Variants in IMPACT observed in about 807,000 individuals in gnomAD.
The protein encoded by IMPACT is impact RWD domain protein, also known as protein IMPACT.
In IMPACT, 35 loss-of-function variants were observed where a neutral mutation model predicts 47.5. That is an observed-to-expected ratio of 0.74 (90% CI 0.56 to 0.98). The LOEUF is 0.98. IMPACT is among the 50% of genes least tolerant of loss of function. The pLI is 0.00. For synonymous variants in IMPACT, 118 were observed against 125.6 expected (o/e 0.94, Z 0.40); for missense variants, 373 against 394.8 (o/e 0.94, Z 0.47).
At chr18:24,437,274 A>G (rs1000357517) in intron 4 of IMPACT, among the ~76,000 whole-genome samples, 5 of 152,176 alleles carry the variant, frequency 3.3e-5, no homozygotes, top group East Asian at 1.9e-4. Context: ...TATTGCTGCT[A>G]CCATCATTTA....
chr18:24,443,700 C>T (rs112050267), intron 7 of IMPACT, among the ~76,000 whole-genome samples: 2 of 152,156 alleles, frequency 1.3e-5, no homozygotes, highest in Admixed American at 1.3e-4. Flanking sequence ...AAACCAAGTC[C>T]TCCCTACCTG....
At position 24,426,670 on chromosome 18, in the gene IMPACT, A is replaced by C. The variant is rs536713824; in HGVS notation, c.-87A>C. The C allele has an allele frequency of 9.7e-7, 1 of 1,035,998 alleles. No individual in the cohort carries two copies. Among genetic ancestry groups the C allele is most frequent in the African/African-American group, 1.7e-5 (1 of 60,148 alleles). The allele number at this position is 1,035,998 out of a possible 1,614,324, so 64.2% of individuals were successfully genotyped here. On this transcript the variant is annotated 5_prime_UTR_variant, in exon 1 of 11. Transcript: ENST00000284202. ...GTGGTTCCGGGTCGGGCCGCGCCGC[A>C]GCCAGCTCTCGGCTCGCAGCCGCAG...
At chr18:24,430,009 C>A (rs1441855995) in intron 3 of IMPACT, among the ~76,000 whole-genome samples, 2 of 152,074 alleles carry the variant, frequency 1.3e-5, no homozygotes, top group Non-Finnish European at 2.9e-5. Flanking sequence ...GATCTCCTGA[C>A]CTCGTGATCT....
chr18:24,431,516 A>G (rs1262999589), intron 4 of IMPACT, among the ~76,000 whole-genome samples: 1 of 151,492 alleles, frequency 6.6e-6, no homozygotes, highest in Non-Finnish European at 1.5e-5. Flanking sequence ...CCATGATAAG[A>G]TTTTCTTTTT....
At chr18:24,437,219 C>T (rs1039237554) in intron 4 of IMPACT, among the ~76,000 whole-genome samples, 2 of 152,080 alleles carry the variant, frequency 1.3e-5, no homozygotes, top group African/African-American at 4.8e-5. Flanking sequence ...ATACTTACTA[C>T]AATTAGTGTC....
chr18:24,438,968 G>A (rs1909020444), intron 5 of IMPACT, among the ~76,000 whole-genome samples: 1 of 152,162 alleles, frequency 6.6e-6, no homozygotes, highest in South Asian at 2.1e-4. Flanking sequence ...TTATACAGTT[G>A]TGGAAGGTGG....
intron 6 of IMPACT, among the ~76,000 whole-genome samples, chr18:24,441,275 A>G (rs1303187155): frequency 6.6e-6 from 1 of 151,996 alleles, no homozygotes; most frequent in Non-Finnish European, 1.5e-5. Flanking sequence ...GTTCAATGCA[A>G]CCTTGCCTCC....
At chr18:24,438,104 C>T in intron 5 of IMPACT, 64 bp downstream of exon 5, 1 of 728,938 alleles carries the variant, frequency 1.4e-6, no homozygotes, top group Middle Eastern at 3.4e-4. Context: ...TATGTAGATA[C>T]TCTAGTTGAA....
intron 5 of IMPACT, among the ~76,000 whole-genome samples, chr18:24,439,285 C>G (rs1909030218): frequency 6.6e-6 from 1 of 152,168 alleles, no homozygotes; most frequent in African/African-American, 2.4e-5. Flanking sequence ...AATCCCAGCA[C>G]TTTGGGAGGC....
intron 1 of IMPACT, chr18:24,427,067 CA>C: frequency 2.7e-6 from 1 of 374,186 alleles, no homozygotes; most frequent in Non-Finnish European, 4.7e-6. Flanking sequence ...GGGCCGAAGG[CA>C]AAAACCGGGG....
chr18:24,426,754 C>A lies in IMPACT; in HGVS notation c.-3C>A. ...GCGGCTGCAGGGCAGGTCCAGGGGCCACATGGCTGAGGGGGACGCAGGGAG... is the reference window on the plus strand; with the variant it reads ...GCGGCTGCAGGGCAGGTCCAGGGGCAACATGGCTGAGGGGGACGCAGGGAG... On this transcript the variant is annotated 5_prime_UTR_variant, in exon 1 of 11. Transcript: ENST00000284202. 8.0e-7 allele frequency: 1 copy of A among 1,244,354 alleles called. No individual in the cohort carries two copies. The highest frequency in any genetic ancestry group is 1.0e-6 in the Non-Finnish European group (1 of 992,326). The allele number at this position is 1,244,354 out of a possible 1,614,324, so 77.1% of individuals were successfully genotyped here. A position where few individuals can be genotyped will look rare whatever the true frequency, so the allele number is the denominator to read the frequency against.
chr18:24,428,805 A>G, intron 2 of IMPACT, 64 bp from the exon 3 acceptor site: 1 of 1,305,018 alleles, frequency 7.7e-7, no homozygotes, highest in Non-Finnish European at 1.1e-6. Context: ...TGCTAGCTTT[A>G]TAAATATGGT....
At chr18:24,441,913 TA>T (rs1296301707) in intron 6 of IMPACT, among the ~76,000 whole-genome samples, 1 of 152,236 alleles carries the variant, frequency 6.6e-6, no homozygotes, top group Admixed American at 6.5e-5. Flanking sequence ...TACTCATAAA[TA>T]AATACTATCA....
At chr18:24,448,012 A>C in intron 8 of IMPACT, 81 bp from the exon 9 acceptor site, 2 of 800,708 alleles carry the variant, frequency 2.5e-6, no homozygotes, top group Non-Finnish European at 4.1e-6. Context: ...GGAAGTAATC[A>C]AAATGATCAC....
chr18:24,430,208 C>A, intron 3 of IMPACT, 114 bp from the exon 4 acceptor site: 2 of 605,996 alleles, frequency 3.3e-6, no homozygotes, highest in South Asian at 2.6e-5. Context: ...AATATAAGAC[C>A]ATTTATGAAA....
intron 4 of IMPACT, among the ~76,000 whole-genome samples, chr18:24,436,044 A>G (rs1398054230): frequency 6.6e-6 from 1 of 152,148 alleles, no homozygotes; most frequent in African/African-American, 2.4e-5. Context: ...ATGCTCTAAG[A>G]AAAGGGAGGT....
At chr18:24,442,637 C>G (rs1909144920) in intron 6 of IMPACT, among the ~76,000 whole-genome samples, 1 of 152,170 alleles carries the variant, frequency 6.6e-6, no homozygotes, top group Non-Finnish European at 1.5e-5. Flanking sequence ...GTTTTCCCAA[C>G]TCAGAGGTCT....
chr18:24,432,004 C>T (rs1908770646), intron 4 of IMPACT, among the ~76,000 whole-genome samples: 1 of 152,096 alleles, frequency 6.6e-6, no homozygotes, highest in South Asian at 2.1e-4. Flanking sequence ...GCTCTGCCTT[C>T]AGCTAATTTT....
rs1285631861 is a variant in IMPACT at position 24,451,484 on chromosome 18, A to G, written c.*637A>G. Reference sequence around the variant, plus strand: ...ATATTATGCTTCAGTTTCTGTTGCAAATTGGTGATTGTGAAATTACAGAAA... The same window carrying G: ...ATATTATGCTTCAGTTTCTGTTGCAGATTGGTGATTGTGAAATTACAGAAA... On this transcript the variant is annotated 3_prime_UTR_variant, in exon 11 of 11. Coordinates refer to ENST00000284202, the MANE Select transcript of IMPACT (RefSeq NM_018439.4). The G allele has an allele frequency of 3.3e-5, 5 of 152,106 alleles. No homozygotes were observed. Among genetic ancestry groups the G allele is most frequent in the African/African-American group, 1.2e-4 (5 of 41,420 alleles). 9.4% of individuals were successfully genotyped at this position (152,106 alleles called of 1,614,324 possible).
Sources: gnomAD v4.1 joint callset for allele counts (sites outside exome capture counted in the v4.1 genomes callset) on GRCh38, gnomAD v4.1.1 for gene constraint, MANE v1.5 for transcripts, NCBI Gene and HGNC (gene_info 2026-07-23, HGNC 2026-07-21) for gene names.